The following PLCB4 variants were observed in gnomAD, a reference collection of about 807,000 sequenced individuals.
The protein encoded by PLCB4 is 1-phosphatidylinositol 4,5-bisphosphate phosphodiesterase beta-4.
In PLCB4, 77 loss-of-function variants were observed where a neutral mutation model predicts 178.8. The observed-to-expected ratio is 0.43, with a 90% CI of 0.36 to 0.52. The LOEUF is 0.52. PLCB4 is among the 20% of genes least tolerant of loss of function. PLCB4 has a pLI of 0.00. For synonymous variants in PLCB4, 496 were observed against 490.8 expected (o/e 1.01, Z -0.14); for missense variants, 1,024 against 1,453.4 (o/e 0.70, Z 4.80).
intron 2 of PLCB4, among the ~76,000 whole-genome samples, chr20:9,129,490 G>A (rs2092219116): frequency 2.0e-5 from 3 of 152,066 alleles, no homozygotes. Context: ...GTGTTTCCTG[G>A]AATATTTCCT....
intron 2 of PLCB4, among the ~76,000 whole-genome samples, chr20:9,165,533 A>G (rs575579790): frequency 3.7e-4 from 56 of 152,314 alleles, no homozygotes; most frequent in African/African-American, 1.3e-3. Context: ...ATGCCTCTCA[A>G]ATACAGGGTC....
intron 3 of PLCB4, among the ~76,000 whole-genome samples, chr20:9,247,210 G>A (rs2094134983): frequency 6.6e-6 from 1 of 152,168 alleles, no homozygotes; most frequent in South Asian, 2.1e-4. Flanking sequence ...ATGAGAGGTA[G>A]TATAAATGAA....
At chr20:9,070,795 A>G (rs1272901557) in intron 1 of PLCB4, among the ~76,000 whole-genome samples, 2 of 152,178 alleles carry the variant, frequency 1.3e-5, no homozygotes, top group African/African-American at 4.8e-5. Context: ...ACTTCCTTCC[A>G]ACTATATTAT....
intron 3 of PLCB4, among the ~76,000 whole-genome samples, chr20:9,257,268 A>G (rs1042710038): frequency 4.6e-5 from 7 of 152,174 alleles, no homozygotes; most frequent in African/African-American, 1.7e-4. Flanking sequence ...CATGATTTTA[A>G]TTGTGTCTTT....
At chr20:9,310,643 C>G (rs978757236) in intron 4 of PLCB4, among the ~76,000 whole-genome samples, 2 of 151,950 alleles carry the variant, frequency 1.3e-5, no homozygotes, top group Admixed American at 6.6e-5. Context: ...ACCCAAGAGG[C>G]AGAGGGTGCA....
chr20:9,395,935 C>T (rs1325318915), intron 19 of PLCB4, among the ~76,000 whole-genome samples: 1 of 152,118 alleles, frequency 6.6e-6, no homozygotes, highest in African/African-American at 2.4e-5. Context: ...GTAATCCTAC[C>T]ACTGCACTCC....
intron 2 of PLCB4, among the ~76,000 whole-genome samples, chr20:9,171,010 T>C (rs1427584785): frequency 6.6e-6 from 1 of 152,198 alleles, no homozygotes; most frequent in African/African-American, 2.4e-5. Flanking sequence ...GACGGTACCA[T>C]GAAACTCCCA....
intron 22 of PLCB4, 75 bp downstream of exon 22, chr20:9,408,133 T>C: frequency 1.6e-6 from 2 of 1,283,308 alleles, no homozygotes; most frequent in Non-Finnish European, 2.2e-6. Flanking sequence ...TTTTATCTAA[T>C]TTGTTGCCAT....
At chr20:9,462,789 G>T (rs2043489099) in intron 35 of PLCB4, among the ~76,000 whole-genome samples, 1 of 152,200 alleles carries the variant, frequency 6.6e-6, no homozygotes, top group Non-Finnish European at 1.5e-5. Context: ...ATCTGTGTTT[G>T]ATTGGTGTAC....
intron 2 of PLCB4, among the ~76,000 whole-genome samples, chr20:9,185,150 G>A (rs552079669): frequency 3.7e-4 from 57 of 152,230 alleles, no homozygotes; most frequent in Non-Finnish European, 6.9e-4. Flanking sequence ...AAATCATACT[G>A]CCTTGGCCTC....
At chr20:9,085,487 C>T (rs536836832) in intron 1 of PLCB4, among the ~76,000 whole-genome samples, 2 of 152,278 alleles carry the variant, frequency 1.3e-5, no homozygotes, top group Non-Finnish European at 2.9e-5. Context: ...ATTTTGCTTT[C>T]CTTCCTTATT....
intron 1 of PLCB4, among the ~76,000 whole-genome samples, chr20:9,079,612 T>C (rs1345221381): frequency 6.6e-6 from 1 of 152,144 alleles, no homozygotes; most frequent in Non-Finnish European, 1.5e-5. Context: ...GGAAGGCCAG[T>C]AGCAGACCCC....
chr20:9,301,440 G>T (rs1331740928), intron 3 of PLCB4, among the ~76,000 whole-genome samples: 3 of 151,976 alleles, frequency 2.0e-5, no homozygotes, highest in Non-Finnish European at 4.4e-5. Context: ...GTGAGGGAGG[G>T]TGAGCAGCAC....
At chr20:9,453,547 G>GA in intron 33 of PLCB4, 85 bp downstream of exon 33, 1 of 710,216 alleles carries the variant, frequency 1.4e-6, no homozygotes, top group Non-Finnish European at 2.4e-6. Context: ...TTAGGTCAAG[G>GA]AAGAACTTAG....
At chr20:9,454,847 A>C (rs2042964681) in intron 33 of PLCB4, among the ~76,000 whole-genome samples, 1 of 152,216 alleles carries the variant, frequency 6.6e-6, no homozygotes, top group Non-Finnish European at 1.5e-5. Flanking sequence ...GAAAAATACA[A>C]ATCAGGCACT....
intron 2 of PLCB4, among the ~76,000 whole-genome samples, chr20:9,190,490 T>C (rs1264425406): frequency 6.6e-6 from 1 of 152,172 alleles, no homozygotes; most frequent in East Asian, 1.9e-4. Context: ...GACCTGTAAG[T>C]CAATTTGTAA....
At chr20:9,314,339 T>A (rs918943721) in intron 4 of PLCB4, among the ~76,000 whole-genome samples, 4 of 152,054 alleles carry the variant, frequency 2.6e-5, no homozygotes, top group African/African-American at 9.7e-5. Flanking sequence ...TGGAGGGTAG[T>A]GTTGGGCTTG....
intron 35 of PLCB4, among the ~76,000 whole-genome samples, 153 bp from the exon 36 acceptor site, chr20:9,468,418 G>A (rs1290338545): frequency 6.6e-6 from 1 of 152,030 alleles, no homozygotes; most frequent in African/African-American, 2.4e-5. Flanking sequence ...TAACCATTAA[G>A]TGCATGACAT....
chr20:9,109,359 T>C (rs2091492165), intron 2 of PLCB4, among the ~76,000 whole-genome samples: 2 of 152,078 alleles, frequency 1.3e-5, no homozygotes, highest in Admixed American at 1.3e-4. Context: ...AACTTTAAAA[T>C]AGAATTTTAG....
Sources: gnomAD v4.1 joint callset for allele counts (sites outside exome capture counted in the v4.1 genomes callset) on GRCh38, gnomAD v4.1.1 for gene constraint, MANE v1.5 for transcripts, NCBI Gene and HGNC (gene_info 2026-07-23, HGNC 2026-07-21) for gene names.